The following DLGAP5 variants were observed in gnomAD, a reference collection of about 807,000 sequenced individuals.
The protein encoded by DLGAP5 is disks large-associated protein 5.
In DLGAP5, 90 loss-of-function variants were observed where a neutral mutation model predicts 99.6. The ratio of observed to expected loss-of-function variants is 0.90; its 90% confidence interval spans 0.76 to 1.08. DLGAP5 has a LOEUF of 1.08. Among genes scored for constraint, DLGAP5 ranks in the 50% least tolerant of loss-of-function variants. The pLI is 0.00. For missense variants in DLGAP5, 1,036 were observed against 983.5 expected (o/e 1.05, Z -0.71); for synonymous variants, 311 against 321.3 (o/e 0.97, Z 0.34).
At chr14:55,172,765 CA>C (rs1882904683) in intron 10 of DLGAP5, among the ~76,000 whole-genome samples, 1 of 152,162 alleles carries the variant, frequency 6.6e-6, no homozygotes, top group Admixed American at 6.5e-5. Context: ...AAGCGGATCA[CA>C]AGGTCAGGAG....
At chr14:55,152,690 T>C (rs1478412962) in intron 15 of DLGAP5, 43 bp from the exon 16 acceptor site, 2 of 1,486,276 alleles carry the variant, frequency 1.3e-6, no homozygotes, top group Non-Finnish European at 1.8e-6. Flanking sequence ...AAACATATTG[T>C]TATTGTTTCA....
intron 2 of DLGAP5, among the ~76,000 whole-genome samples, chr14:55,185,747 G>A (rs948787648): frequency 2.0e-5 from 3 of 152,212 alleles, no homozygotes. Flanking sequence ...GCATCCCAAA[G>A]TGCTGGAATT....
intron 11 of DLGAP5, among the ~76,000 whole-genome samples, chr14:55,169,862 C>G (rs929906017): frequency 1.5e-5 from 2 of 135,130 alleles, no homozygotes; most frequent in Admixed American, 1.5e-4. Flanking sequence ...CCTGCGGGCG[C>G]GGTGGCTCAT....
chr14:55,191,213 T>C (rs1362852312), intron 1 of DLGAP5: 1 of 152,228 alleles, frequency 6.6e-6, no homozygotes, highest in Non-Finnish European at 1.5e-5. Context: ...TCGGAGCTAG[T>C]GAAGAACAGT....
In DLGAP5 at chr14:55,183,645, C is replaced by G; in HGVS notation, c.347G>C (p.Gly116Ala). The part of the protein sequence containing the change: ...LKEQREKAKR[G>A]IFKVGRYRPD... ...TCTATAACGACCCACTTTAAATATT[C>G]CTCGTTTAGCTTTCTCTCTCTGCTC... Residue 116 changes from glycine (G) to alanine (A), a missense_variant, in exon 3 of 19, where the codon GGA becomes GCA. Coordinates refer to ENST00000247191, the MANE Select transcript of DLGAP5 (RefSeq NM_014750.5). The G allele has an allele frequency of 6.2e-7, 1 of 1,612,162 alleles. No homozygotes were observed.
intron 7 of DLGAP5, among the ~76,000 whole-genome samples, chr14:55,177,704 A>C (rs1883128934): frequency 6.6e-6 from 1 of 151,362 alleles, no homozygotes; most frequent in South Asian, 2.1e-4. Context: ...CGCCCGGCTA[A>C]TTTTTTGTAT....
At chr14:55,149,732 C>G (rs1468420732) in intron 18 of DLGAP5, among the ~76,000 whole-genome samples, 2 of 150,820 alleles carry the variant, frequency 1.3e-5, no homozygotes, top group Non-Finnish European at 2.9e-5. Flanking sequence ...AATGACAAAT[C>G]CCTAACTCCA....
rs1037966574 is a variant in DLGAP5 at position 55,175,585 on chromosome 14, T to C, written c.1175-113A>G. On this transcript the variant is annotated intron_variant, in intron 9 of 18. Coordinates refer to ENST00000247191, the MANE Select transcript of DLGAP5 (RefSeq NM_014750.5). Reference sequence around the variant, plus strand: ...TTCAATGTTTAATTTTAAAATTTTATTTCTGCCTCAATCACTTCACATTTC... The same window carrying C: ...TTCAATGTTTAATTTTAAAATTTTACTTCTGCCTCAATCACTTCACATTTC... 151 of 753,660 alleles carry C rather than the reference T, an allele frequency of 2.0e-4. No individual in the cohort carries two copies. The East Asian group carries it at 3.8e-3, about 19-fold the overall frequency. The allele number at this position is 753,660 out of a possible 1,614,324, so 46.7% of individuals were successfully genotyped here.
intron 11 of DLGAP5, 109 bp downstream of exon 11, chr14:55,170,593 G>T: frequency 2.1e-6 from 2 of 956,570 alleles, no homozygotes; most frequent in South Asian, 3.3e-5. Context: ...TTGCTACTTT[G>T]AATGATAATG....
intron 4 of DLGAP5, among the ~76,000 whole-genome samples, chr14:55,181,578 C>T (rs1045440635): frequency 2.6e-5 from 4 of 152,170 alleles, no homozygotes; most frequent in African/African-American, 9.7e-5. Flanking sequence ...GGTCCTTAAA[C>T]ACTCCTAGAC....
intron 2 of DLGAP5, among the ~76,000 whole-genome samples, chr14:55,184,647 C>T (rs1883375710): frequency 6.6e-6 from 1 of 152,172 alleles, no homozygotes; most frequent in African/African-American, 2.4e-5. Flanking sequence ...GCGTCGCTTG[C>T]TCTGGGAGAA....
At chr14:55,185,583 T>A (rs1241290047) in intron 2 of DLGAP5, among the ~76,000 whole-genome samples, 1 of 151,148 alleles carries the variant, frequency 6.6e-6, no homozygotes, top group Non-Finnish European at 1.5e-5. Context: ...ACCTCCTGAG[T>A]TCAAGCAATT....
chr14:55,182,436 A>G lies in DLGAP5; in HGVS notation c.433-4T>C. 1 of 1,606,120 alleles carries G rather than the reference A, an allele frequency of 6.2e-7. No homozygotes were observed. The highest frequency in any genetic ancestry group is 8.5e-7 in the Non-Finnish European group (1 of 1,177,696). Reference sequence around the variant, plus strand: ...TCCGTACAGAAGATGGAATAGCCTTAGAACAGTCAAAAGAAGATGAACTTA... The same window carrying G: ...TCCGTACAGAAGATGGAATAGCCTTGGAACAGTCAAAAGAAGATGAACTTA... On this transcript the variant is annotated splice_polypyrimidine_tract_variant and splice_region_variant and intron_variant, in intron 3 of 18. Coordinates refer to ENST00000247191, the MANE Select transcript of DLGAP5 (RefSeq NM_014750.5).
intron 2 of DLGAP5, among the ~76,000 whole-genome samples, chr14:55,186,484 A>G (rs1030502513): frequency 1.3e-5 from 2 of 152,148 alleles, no homozygotes; most frequent in African/African-American, 4.8e-5. Context: ...GTCTTTTTAA[A>G]TCTCTTCATC....
At chr14:55,161,431 G>A (rs1228960804) in intron 13 of DLGAP5, among the ~76,000 whole-genome samples, 19 of 123,714 alleles carry the variant, frequency 1.5e-4, no homozygotes, top group Non-Finnish European at 2.4e-4. Flanking sequence ...TTTTTTTTGA[G>A]ACTGAGTTTT....
At chr14:55,153,874 A>C (rs1026466677) in intron 15 of DLGAP5, among the ~76,000 whole-genome samples, 1 of 151,772 alleles carries the variant, frequency 6.6e-6, no homozygotes, top group Non-Finnish European at 1.5e-5. Flanking sequence ...TGGCCAACAT[A>C]GTGAAACCCC....
At chr14:55,180,824 G>C in intron 5 of DLGAP5, 46 bp from the exon 6 acceptor site, 1 of 1,605,848 alleles carries the variant, frequency 6.2e-7, no homozygotes, top group Non-Finnish European at 8.5e-7. Context: ...TTGTAGTTAT[G>C]AAATTATTGC....
chr14:55,160,900 A>G (rs997365381), intron 13 of DLGAP5, among the ~76,000 whole-genome samples: 16 of 152,230 alleles, frequency 1.1e-4, no homozygotes, highest in African/African-American at 3.9e-4. Context: ...AAAACATTTT[A>G]GGATGCTTGT....
At position 55,154,742 on chromosome 14, in the gene DLGAP5, A is replaced by T; in HGVS notation, c.1938T>A (p.Ala646=). ...CCATCTCATTTCTACTCTGAGATAC[A>T]GCTTTGTTGACAGACTTAGGTGTTC... ...RLGTPKSVNK[A]VSQSRNEMGI... The change falls in exon 15 of 19, where the codon GCT becomes GCA. Residue 646 remains alanine, a synonymous_variant. Transcript: ENST00000247191. The T allele has an allele frequency of 6.2e-7, 1 of 1,614,142 alleles. No homozygotes were observed. The highest frequency in any genetic ancestry group is 1.3e-5 in the African/African-American group (1 of 75,054).
Sources: gnomAD v4.1 joint callset for allele counts (sites outside exome capture counted in the v4.1 genomes callset) on GRCh38, gnomAD v4.1.1 for gene constraint, MANE v1.5 for transcripts, NCBI Gene and HGNC (gene_info 2026-07-23, HGNC 2026-07-21) for gene names.